KIAA1217: variants seen among roughly 807,000 people sequenced by gnomAD.
The protein encoded by KIAA1217 is sickle tail protein homolog.
A neutral mutation model predicts 163.9 loss-of-function variants in KIAA1217; 88 were observed. That is an observed-to-expected ratio of 0.54 (90% CI 0.45 to 0.64). The LOEUF is 0.64. Ranked by LOEUF, KIAA1217 falls within the 30% of genes least tolerant of loss-of-function variation. The pLI is 0.00. For missense variants in KIAA1217, 2,372 were observed against 2,475.0 expected (o/e 0.96, Z 0.88); for synonymous variants, 903 against 923.1 (o/e 0.98, Z 0.39).
At chr10:24,475,759 A>G (rs1234287840) in intron 6 of KIAA1217, among the ~76,000 whole-genome samples, 2 of 152,240 alleles carry the variant, frequency 1.3e-5, no homozygotes, top group Non-Finnish European at 2.9e-5. Flanking sequence ...TCATGGGAAC[A>G]GACCAATGTG....
In KIAA1217 at chr10:23,889,510, A is replaced by T. The variant is rs192120350; in HGVS notation, c.-320-117715A>T. Among the ~76,000 whole-genome samples, 536 of 151,980 alleles carry T rather than the reference A, an allele frequency of 3.5e-3. 12 individuals carry two copies. Among genetic ancestry groups the T allele is most frequent in the Admixed American group, 0.026 (400 of 15,220 alleles). On this transcript the variant is annotated intron_variant, in intron 1 of 18. Coordinates refer to the KIAA1217 transcript ENST00000376462. ...TGTCTTTATATTACAGATTTGTAAG[A>T]GTTCTTTAACCATTCTAGATGTGAG...
chr10:24,543,924 C>G lies in KIAA1217; in HGVS notation c.4654C>G (p.Pro1552Ala), dbSNP rs1261388949. Residue 1552 changes from proline (P) to alanine (A), a missense_variant, in exon 19 of 21, where the codon CCA (proline) becomes GCA (alanine). Pro to Ala is a conservative substitution (Grantham distance 27, BLOSUM62 -1). This residue lies in a region of KIAA1217 where 690 missense variants were observed against 677.5 expected (regional missense o/e 1.02). Coordinates refer to ENST00000376454, the MANE Select transcript of KIAA1217 (RefSeq NM_019590.5). ...ELNKFSHVDS[P>A]NSECKGEDAT... ...GAACAAGTTCAGCCACGTGGATTCT[C>G]CAAATTCGGAATGCAAGGGTGAGGA... 6.2e-7 allele frequency: 1 copy of G among 1,613,894 alleles called. No individual in the cohort carries two copies. The highest frequency in any genetic ancestry group is 8.5e-7 in the Non-Finnish European group (1 of 1,180,022).
At chr10:24,078,937 C>T (rs911647871) in intron 2 of KIAA1217, among the ~76,000 whole-genome samples, 10 of 152,196 alleles carry the variant, frequency 6.6e-5, no homozygotes, top group African/African-American at 1.9e-4. Flanking sequence ...CGTTAAAACA[C>T]CCTGATTTCC....
At position 24,073,247 on chromosome 10, in the gene KIAA1217, G is replaced by A. The variant is rs546236257; in HGVS notation, c.-171+65873G>A. Among the ~76,000 whole-genome samples, 7 of 152,142 alleles carry A rather than the reference G, an allele frequency of 4.6e-5. No homozygotes were observed. In the South Asian group the frequency reaches 1.5e-3, roughly 32 times the overall value. On this transcript the variant is annotated intron_variant, in intron 2 of 18. Transcript: ENST00000376462. ...AGAGCTGACGTCTTTAGAAAACAGT[G>A]GGTTGTGGGAGGTGAACAAGGAGAA...
At chr10:23,967,814 A>G (rs1490486461) in intron 1 of KIAA1217, among the ~76,000 whole-genome samples, 4 of 152,098 alleles carry the variant, frequency 2.6e-5, no homozygotes, top group African/African-American at 9.7e-5. Context: ...ATTTGGTAAT[A>G]TATAATTTGG....
intron 1 of KIAA1217, among the ~76,000 whole-genome samples, chr10:23,997,091 C>T (rs1846521844): frequency 6.6e-6 from 1 of 152,186 alleles, no homozygotes; most frequent in Admixed American, 6.5e-5. Context: ...CAAGTCTCTT[C>T]TATGAATGCT....
intron 1 of KIAA1217, among the ~76,000 whole-genome samples, chr10:23,875,895 A>G (rs569559100): frequency 2.7e-5 from 4 of 149,354 alleles, no homozygotes; most frequent in African/African-American, 7.4e-5. Flanking sequence ...TGGGAGTTAA[A>G]CAATGAGAAC....
chr10:24,024,887 C>T (rs1460580391), intron 2 of KIAA1217, among the ~76,000 whole-genome samples: 1 of 151,632 alleles, frequency 6.6e-6, no homozygotes, highest in Non-Finnish European at 1.5e-5. Context: ...AATTTATCTT[C>T]TTATGATTGA....
intron 2 of KIAA1217, among the ~76,000 whole-genome samples, chr10:24,274,809 G>T (rs2077105814): frequency 6.6e-6 from 1 of 152,070 alleles, no homozygotes; most frequent in Admixed American, 6.6e-5. Context: ...CTTATCTAAT[G>T]CACTTATTTT....
chr10:23,871,116 C>A (rs1840436961), intron 1 of KIAA1217, among the ~76,000 whole-genome samples: 1 of 151,664 alleles, frequency 6.6e-6, no homozygotes, highest in Non-Finnish European at 1.5e-5. Context: ...GTGAAACACT[C>A]CCAGAGTTGT....
chr10:24,414,637 T>C (rs947090761), intron 3 of KIAA1217, among the ~76,000 whole-genome samples: 5 of 152,288 alleles, frequency 3.3e-5, no homozygotes, highest in Admixed American at 3.3e-4. Flanking sequence ...AAGCAGGAGT[T>C]GTATTTTACA....
chr10:24,316,773 A>T (rs1286114466), intron 2 of KIAA1217, among the ~76,000 whole-genome samples: 1 of 152,178 alleles, frequency 6.6e-6, no homozygotes, highest in Non-Finnish European at 1.5e-5. Context: ...GCTAAAATTT[A>T]AAATAATAAG....
At chr10:23,996,645 A>C (rs1317071406) in intron 1 of KIAA1217, among the ~76,000 whole-genome samples, 1 of 152,226 alleles carries the variant, frequency 6.6e-6, no homozygotes, top group Non-Finnish European at 1.5e-5. Flanking sequence ...ATCCTAAGTC[A>C]TAAAACAACC....
chr10:24,127,529 A>G (rs566845914), intron 2 of KIAA1217, among the ~76,000 whole-genome samples: 1 of 152,290 alleles, frequency 6.6e-6, no homozygotes, highest in East Asian at 1.9e-4. Flanking sequence ...TTCCTGACAA[A>G]TCCTTTTACA....
intron 16 of KIAA1217, among the ~76,000 whole-genome samples, chr10:24,534,798 T>A (rs961836097): frequency 6.6e-6 from 1 of 150,402 alleles, no homozygotes; most frequent in African/African-American, 2.5e-5. Context: ...GGAAAATCAC[T>A]TGGACCCGGG....
intron 1 of KIAA1217, among the ~76,000 whole-genome samples, chr10:23,844,933 A>G (rs985591268): frequency 1.3e-5 from 2 of 151,670 alleles, no homozygotes; most frequent in Non-Finnish European, 2.9e-5. Context: ...GTTCCCCTCC[A>G]TGTGTCCGTG....
intron 1 of KIAA1217, among the ~76,000 whole-genome samples, chr10:23,922,566 G>A (rs970343029): frequency 6.6e-6 from 1 of 152,136 alleles, no homozygotes; most frequent in Non-Finnish European, 1.5e-5. Flanking sequence ...TGCTAACTCA[G>A]GTAGTTAGTG....
intron 2 of KIAA1217, among the ~76,000 whole-genome samples, chr10:24,297,083 A>AT (rs2040712185): frequency 6.6e-6 from 1 of 152,248 alleles, no homozygotes; most frequent in East Asian, 1.9e-4. Flanking sequence ...GTCTAGGAAT[A>AT]AAACAAGAAT....
intron 1 of KIAA1217, among the ~76,000 whole-genome samples, chr10:23,918,482 C>T (rs982725809): frequency 1.3e-5 from 2 of 152,112 alleles, no homozygotes; most frequent in Admixed American, 6.6e-5. Flanking sequence ...ATAACCTTTG[C>T]ATGCAGTCTG....
Sources: allele counts gnomAD v4.1 joint callset (sites outside exome capture counted in the v4.1 genomes callset), GRCh38; gene constraint gnomAD v4.1.1; regional missense constraint gnomAD v4.1.1; transcripts MANE v1.5; gene names NCBI Gene and HGNC (gene_info 2026-07-23, HGNC 2026-07-21).